ZNF527: variants seen among roughly 807,000 people sequenced by gnomAD.
The protein encoded by ZNF527 is zinc finger protein 527.
ZNF527 carries 5 observed loss-of-function variants against 13.5 expected under a neutral mutation model. The observed-to-expected ratio is 0.37, with a 90% confidence interval of 0.19 to 0.78. ZNF527 has a LOEUF of 0.78. ZNF527 is among the 30% of genes least tolerant of loss of function. The pLI is 0.48. For synonymous variants in ZNF527, 209 were observed against 243.1 expected, an observed-to-expected ratio of 0.86 and a Z score of 1.30; for missense variants, 628 against 726.4, an observed-to-expected ratio of 0.86 and a Z score of 1.56.
In ZNF527 at chr19:37,390,092, A is replaced by T. The variant is rs1381271836; in HGVS notation, c.*213A>T. 1 of 462,056 alleles carries T rather than the reference A, an allele frequency of 2.2e-6. No individual in the cohort carries two copies. Among genetic ancestry groups the T allele is most frequent in the East Asian group, 4.3e-5 (1 of 23,176 alleles). The allele number at this position is 462,056 out of a possible 1,614,324, so 28.6% of individuals were successfully genotyped here. On this transcript the variant is annotated 3_prime_UTR_variant, in exon 5 of 5. Transcript: ENST00000436120. ...TGCCCAGGCTGGAGTGCAGTGGTGT[A>T]ATCTTGGCTCACTGCAGCCTCTGCC...
intron 4 of ZNF527, among the ~76,000 whole-genome samples, chr19:37,383,283 T>G (rs2040669648): frequency 6.6e-6 from 1 of 152,124 alleles, no homozygotes; most frequent in East Asian, 1.9e-4. Context: ...TCACCCAGGC[T>G]GGAGTGCAAT....
chr19:37,379,076 A>G (rs2146810538), intron 2 of ZNF527, 44 bp from the exon 3 acceptor site: 2 of 1,613,434 alleles, frequency 1.2e-6, no homozygotes, highest in South Asian at 2.2e-5. Context: ...CTAGGACCAT[A>G]TAGGTGTCTG....
At chr19:37,371,540 G>A (rs767966059) in intron 1 of ZNF527, among the ~76,000 whole-genome samples, 22 of 152,118 alleles carry the variant, frequency 1.4e-4, no homozygotes, top group Non-Finnish European at 2.9e-4. Context: ...AGAGACTGGG[G>A]TGTGACATTG....
intron 2 of ZNF527, among the ~76,000 whole-genome samples, chr19:37,375,654 C>T (rs1019898700): frequency 7.2e-5 from 11 of 151,758 alleles, no homozygotes; most frequent in South Asian, 2.1e-4. Context: ...CCAGTGTGCC[C>T]GGCTGTCCTT....
Position 37,388,439 on chromosome 19 carries a change from G to T in ZNF527, c.390G>T (p.Trp130Cys). 1 of 1,614,176 alleles carries T rather than the reference G, an allele frequency of 6.2e-7. No homozygotes were observed. The part of the protein sequence containing the change: ...GLECSSFREA[W>C]KYKGEFELHQ... The stretch of plus-strand genomic sequence containing the variant: ...AATGCTCCAGTTTCAGAGAAGCCTG[G>T]AAATATAAGGGTGAATTTGAGCTAC... Residue 130 changes from tryptophan (W) to cysteine (C), a missense_variant, in exon 5 of 5, where the codon TGG (tryptophan) becomes TGT (cysteine). Around this residue, in one of 3 missense-constraint regions of ZNF527, gnomAD observed 592 missense variants for 678.0 expected, o/e 0.87. Transcript: ENST00000436120.
Position 37,389,046 on chromosome 19 carries a change from A to G in ZNF527, c.997A>G (p.Lys333Glu). Residue 333 changes from lysine to glutamate, a missense_variant, in exon 5 of 5, where the codon AAG (lysine) becomes GAG (glutamate). Lys to Glu is a moderately conservative substitution (Grantham distance 56, BLOSUM62 1). Coordinates refer to ENST00000436120, the MANE Select transcript of ZNF527 (RefSeq NM_032453.2). ...THIGEKPYEC[K>E]ECNKAFRQSA... ...TATTGGGGAGAAACCTTATGAATGT[A>G]AGGAATGTAACAAAGCTTTCAGACA... 6.2e-7 allele frequency: 1 copy of G among 1,614,232 alleles called. No individual in the cohort carries two copies. The highest frequency in any genetic ancestry group is 8.5e-7 in the Non-Finnish European group (1 of 1,180,024).
chr19:37,381,878 A>G (rs2040656673), intron 4 of ZNF527, among the ~76,000 whole-genome samples: 2 of 152,198 alleles, frequency 1.3e-5, no homozygotes, highest in South Asian at 4.1e-4. Flanking sequence ...TTTTTTTCCT[A>G]TGAGGTAAAT....
At chr19:37,371,299 A>G (rs1054746775) in intron 1 of ZNF527, 73 bp downstream of exon 1, 2 of 152,172 alleles carry the variant, frequency 1.3e-5, no homozygotes, top group Non-Finnish European at 2.9e-5. Context: ...CGCGCCAGGG[A>G]TGGGAACCCG....
chr19:37,374,377 T>C (rs2040582995), intron 2 of ZNF527, 146 bp downstream of exon 2: 3 of 720,360 alleles, frequency 4.2e-6, no homozygotes, highest in Admixed American at 5.2e-5. Flanking sequence ...CTACAAAACA[T>C]TTAATATCTT....
At chr19:37,386,140 CTTTTTTTTTT>C (rs1050024983) in intron 4 of ZNF527, among the ~76,000 whole-genome samples, 2 of 72,456 alleles carry the variant, frequency 2.8e-5, no homozygotes, top group Non-Finnish European at 4.6e-5. Context: ...TCTTCTTTTC[CTTTTTTTTTT>C]TTTTTTTTTT....
chr19:37,385,792 A>G (rs2146819633), intron 4 of ZNF527: 1 of 153,074 alleles, frequency 6.5e-6, no homozygotes. Context: ...GTTCTTGCCA[A>G]CCTTACTCCC....
chr19:37,386,228 C>T (rs2040698805), intron 4 of ZNF527, among the ~76,000 whole-genome samples: 1 of 142,798 alleles, frequency 7.0e-6, no homozygotes, highest in African/African-American at 2.7e-5. Context: ...CTGCAACCTC[C>T]ACCTGCCAGT....
rs771383256 is a variant in ZNF527, at chr19:37,389,633, T to C, written c.1584T>C (p.Cys528=). 1 of 1,614,130 alleles carries C rather than the reference T, an allele frequency of 6.2e-7. No homozygotes were observed. Among genetic ancestry groups the C allele is most frequent in the Non-Finnish European group, 8.5e-7 (1 of 1,180,028 alleles). ...RSHAGEKPYE[C]NKCGKAFSCG... ...ATGCAGGAGAGAAACCCTATGAATG[T>C]AACAAATGTGGAAAGGCCTTCAGTT... The change falls in exon 5 of 5, where the codon TGT becomes TGC. Residue 528 remains cysteine (C), a synonymous_variant. Transcript: ENST00000436120.
chr19:37,375,315 CTTT>C (rs1568691566), intron 2 of ZNF527, among the ~76,000 whole-genome samples: 10 of 78,610 alleles, frequency 1.3e-4, no homozygotes, highest in East Asian at 3.8e-4. Context: ...TCTTTCTTTT[CTTT>C]CTTTCTTTCT....
At chr19:37,384,259 A>C (rs1354256600) in intron 4 of ZNF527, among the ~76,000 whole-genome samples, 1 of 152,212 alleles carries the variant, frequency 6.6e-6, no homozygotes, top group Non-Finnish European at 1.5e-5. Context: ...TGGAGGTCGC[A>C]GTGAGCTGGG....
At chr19:37,388,204 A>G in intron 4 of ZNF527, 102 bp from the exon 5 acceptor site, 1 of 1,362,902 alleles carries the variant, frequency 7.3e-7, no homozygotes, top group Non-Finnish European at 1.0e-6. Context: ...CAGACTTTCT[A>G]CCCTCCTTCC....
chr19:37,392,832 T>C lies in ZNF527; in HGVS notation c.*2953T>C, dbSNP rs2040765651. The C allele has an allele frequency of 1.3e-5, 2 of 152,226 alleles. No individual in the cohort carries two copies. The highest frequency in any genetic ancestry group is 4.8e-5 in the African/African-American group (2 of 41,450). 9.4% of individuals were successfully genotyped at this position (152,226 alleles called of 1,614,324 possible). On this transcript the variant is annotated 3_prime_UTR_variant, in exon 5 of 5. Transcript: ENST00000436120. Reference sequence around the variant, plus strand: ...AATCTTTTGTACCCATGTGTTTAGCTTCAGTGTATTTTACAATCTGATGTT... The same window carrying C: ...AATCTTTTGTACCCATGTGTTTAGCCTCAGTGTATTTTACAATCTGATGTT...
At chr19:37,386,599 A>G (rs1289865889) in intron 4 of ZNF527, among the ~76,000 whole-genome samples, 1 of 152,196 alleles carries the variant, frequency 6.6e-6, no homozygotes, top group Non-Finnish European at 1.5e-5. Flanking sequence ...TGCTGCTTAT[A>G]CTTAGTGGCT....
intron 2 of ZNF527, among the ~76,000 whole-genome samples, chr19:37,374,968 T>A (rs2040587012): frequency 6.6e-6 from 1 of 152,154 alleles, no homozygotes; most frequent in Non-Finnish European, 1.5e-5. Context: ...CTAGTGAGAT[T>A]CTGGGTATAG....
Sources: gnomAD v4.1 joint callset for allele counts (sites outside exome capture counted in the v4.1 genomes callset) on GRCh38, gnomAD v4.1.1 for gene constraint, gnomAD v4.1.1 regional missense constraint, MANE v1.5 for transcripts, NCBI Gene and HGNC (gene_info 2026-07-23, HGNC 2026-07-21) for gene names.